Variants in ACSF2 observed in about 807,000 individuals in gnomAD.
The protein encoded by ACSF2 is medium-chain acyl-CoA ligase ACSF2, mitochondrial.
Under a neutral mutation model 79.3 loss-of-function variants are expected in ACSF2, and 52 were observed. The ratio of observed to expected loss-of-function variants is 0.66; its 90% CI spans 0.53 to 0.83. The LOEUF is 0.83. Among genes scored for constraint, ACSF2 ranks in the 40% least tolerant of loss-of-function variants. The pLI is 0.00. For synonymous variants in ACSF2, 283 were observed against 312.6 expected (o/e 0.91, Z 1.00); for missense variants, 661 against 803.3 (o/e 0.82, Z 2.14).
intron 1 of ACSF2, among the ~76,000 whole-genome samples, chr17:50,429,064 C>T (rs972000664): frequency 1.3e-5 from 2 of 152,258 alleles, no homozygotes; most frequent in African/African-American, 2.4e-5. Context: ...TTGCCCAACA[C>T]CCAGGCCTAT....
chr17:50,468,271 G>A (rs542700767), intron 10 of ACSF2: 1 of 1,611,378 alleles, frequency 6.2e-7, no homozygotes, highest in African/African-American at 1.3e-5. Context: ...AGCTCAACGC[G>A]TTTTCCGACA....
chr17:50,462,836 AG>A, intron 6 of ACSF2: 1 of 583,736 alleles, frequency 1.7e-6, no homozygotes, highest in Non-Finnish European at 3.0e-6. Flanking sequence ...GAACCAACAC[AG>A]GTTGGAACTG....
Position 50,430,537 on chromosome 17 carries a change from C to T in ACSF2, c.128+4148C>T, listed in dbSNP as rs550457504. ...AAAATTAGCTGGGCATGGTGGCGGG[C>T]GCCTGTAGTTTCAGCTACTTGGGAG... On this transcript the variant is annotated intron_variant, in intron 1 of 15. Coordinates refer to ENST00000300441, the MANE Select transcript of ACSF2 (RefSeq NM_025149.6). 6.6e-5 allele frequency among the ~76,000 whole-genome samples: 10 copies of T among 152,136 alleles called. No individual in the cohort carries two copies. The South Asian group carries it at 1.7e-3, about 25-fold the overall frequency.
intron 1 of ACSF2, among the ~76,000 whole-genome samples, chr17:50,449,381 G>A (rs1383691572): frequency 1.3e-5 from 2 of 149,266 alleles, no homozygotes; most frequent in Non-Finnish European, 3.0e-5. Context: ...CCACCATGTT[G>A]TAATATGTAT....
At chr17:50,443,712 C>T (rs1433928353) in intron 1 of ACSF2, among the ~76,000 whole-genome samples, 3 of 152,198 alleles carry the variant, frequency 2.0e-5, no homozygotes. Flanking sequence ...TACTTACCAT[C>T]TTCTAAAAAT....
rs755514814 is a variant in ACSF2 at position 50,462,483 on chromosome 17, T to A, written c.690T>A (p.Asp230Glu). The change falls in exon 6 of 16, where the codon GAT becomes GAA. Residue 230 changes from aspartate (D) to glutamate (E), a missense_variant. By Grantham distance (45) the Asp-to-Glu change is conservative. Coordinates refer to ENST00000300441, the MANE Select transcript of ACSF2 (RefSeq NM_025149.6). ...CTTTGCCGGGGACCCTGCTCCTGGA[T>A]GAAGTGGTGGCGGCTGGCAGCACAC... ...DAPLPGTLLL[D>E]EVVAAGSTRQ... is the part of the protein sequence containing the mutation. 1 of 1,613,720 alleles carries A rather than the reference T, an allele frequency of 6.2e-7. No individual in the cohort carries two copies. The highest frequency in any genetic ancestry group is 8.5e-7 in the Non-Finnish European group (1 of 1,179,944).
chr17:50,455,553 G>A (rs1039866230), intron 1 of ACSF2, among the ~76,000 whole-genome samples: 3 of 152,132 alleles, frequency 2.0e-5, no homozygotes, highest in African/African-American at 7.2e-5. Flanking sequence ...GGGGAGACTT[G>A]GAGCTCCAGC....
intron 1 of ACSF2, among the ~76,000 whole-genome samples, chr17:50,449,042 A>T (rs1598405834): frequency 1.8e-5 from 2 of 112,356 alleles, no homozygotes; most frequent in East Asian, 2.8e-4. Context: ...TTGGAGATGG[A>T]GTCTCGCTCT....
intron 1 of ACSF2, among the ~76,000 whole-genome samples, chr17:50,432,721 C>G (rs955359109): frequency 1.3e-5 from 2 of 152,206 alleles, no homozygotes; most frequent in Non-Finnish European, 2.9e-5. Context: ...ATGTATTCCT[C>G]CATTTGGGAG....
At position 50,464,267 on chromosome 17, in the gene ACSF2, CA is replaced by C. The variant is rs1439957611; in HGVS notation, c.1190del (p.Asn397ThrfsTer3). The C allele has an allele frequency of 3.7e-6, 6 of 1,613,998 alleles. No homozygotes were observed. In the Admixed American group the frequency reaches 1.0e-4, roughly 27 times the overall value. ...CTCCAGAGTTGATCCGAGCCATCATCAACAAGATAAATATGAAGGACCTGGT... is the reference window on the plus strand; with the variant it reads ...CTCCAGAGTTGATCCGAGCCATCATCACAAGATAAATATGAAGGACCTGGT... ...APPELIRAII[N>X]KINMKDLVVA... is the part of the protein sequence containing the mutation. On this transcript the variant is annotated frameshift_variant, in exon 10 of 16. Transcript: ENST00000300441. LOFTEE classifies it high-confidence loss of function.
At chr17:50,469,035 C>T (rs1238707333) in intron 10 of ACSF2, 9 of 1,323,504 alleles carry the variant, frequency 6.8e-6, no homozygotes, top group Non-Finnish European at 8.6e-6. Context: ...CGGGGCCGTT[C>T]CCCCAGCCGG....
intron 1 of ACSF2, among the ~76,000 whole-genome samples, chr17:50,455,235 G>A (rs909952987): frequency 2.0e-5 from 3 of 152,110 alleles, no homozygotes; most frequent in Admixed American, 6.6e-5. Flanking sequence ...CACCCACCTC[G>A]GCCTCCCAAA....
intron 1 of ACSF2, among the ~76,000 whole-genome samples, chr17:50,451,490 C>T (rs1870582): frequency 0.23 from 35,055 of 152,096 alleles, 4,288 homozygotes; most frequent in Middle Eastern, 0.38. Context: ...GCTCTTGTCA[C>T]CCAGGCTGGA....
chr17:50,449,029 T>C (rs79763851), intron 1 of ACSF2, among the ~76,000 whole-genome samples: 2,466 of 147,182 alleles, frequency 0.017, 55 homozygotes, highest in African/African-American at 0.059. Flanking sequence ...TTTTTTTTTT[T>C]TTTTGGAGAT....
intron 1 of ACSF2, among the ~76,000 whole-genome samples, chr17:50,438,275 AAGC>A (rs1229281741): frequency 5.3e-5 from 8 of 152,248 alleles, no homozygotes; most frequent in Non-Finnish European, 1.5e-5. Context: ...AGTACTTAGT[AAGC>A]AGCAAGCTCA....
rs770935217 is a variant in ACSF2, at chr17:50,468,379, C to A, written c.1216-2649C>A. ...GCTGCAAGATGAAGAGGTTGACCAG[C>A]GGGGAGAGCAACCCCCGGGGCAGCT... is the stretch of plus-strand genomic sequence containing the variant. On this transcript the variant is annotated intron_variant, in intron 10 of 15. Transcript: ENST00000300441. The A allele has an allele frequency of 4.3e-6, 7 of 1,613,936 alleles. No individual in the cohort carries two copies. In the East Asian group the frequency reaches 1.3e-4, roughly 31 times the overall value.
Position 50,469,059 on chromosome 17 carries a change from G to C in ACSF2, c.1216-1969G>C, listed in dbSNP as rs556246416. On this transcript the variant is annotated intron_variant, in intron 10 of 15. Coordinates refer to ENST00000300441, the MANE Select transcript of ACSF2 (RefSeq NM_025149.6). ...TCCCCCAGCCGGCTACCGTGCATGA[G>C]GGGGTGGGACCGTGGCCCCCGAGCC... 2.2e-3 allele frequency: 2,868 copies of C among 1,297,010 alleles called. 3 individuals carry two copies. The highest frequency in any genetic ancestry group is 2.6e-3 in the Non-Finnish European group (2,691 of 1,025,116). 80.3% of individuals were successfully genotyped at this position (1,297,010 alleles called of 1,614,324 possible).
At chr17:50,447,757 A>T (rs1238477262) in intron 1 of ACSF2, among the ~76,000 whole-genome samples, 3 of 152,212 alleles carry the variant, frequency 2.0e-5, no homozygotes, top group Non-Finnish European at 4.4e-5. Flanking sequence ...CAATTATTAA[A>T]GTCTAATTGC....
chr17:50,430,579 C>T (rs908978925), intron 1 of ACSF2, among the ~76,000 whole-genome samples: 3 of 152,070 alleles, frequency 2.0e-5, no homozygotes, highest in African/African-American at 7.2e-5. Context: ...GCAGGAGAAT[C>T]GCTTAAACCC....
Sources: gnomAD v4.1 joint callset for allele counts (sites outside exome capture counted in the v4.1 genomes callset) on GRCh38, gnomAD v4.1.1 for gene constraint, MANE v1.5 for transcripts, NCBI Gene and HGNC (gene_info 2026-07-23, HGNC 2026-07-21) for gene names.